ENOX2: variants seen among roughly 807,000 people sequenced by gnomAD.
ENOX2 encodes the protein APK1 antigen.
ENOX2 carries 36 observed loss-of-function variants against 45.0 expected under a neutral mutation model. The observed-to-expected ratio is 0.80, with a 90% CI of 0.61 to 1.06. ENOX2 has a LOEUF of 1.06. Among genes scored for constraint, ENOX2 ranks in the 50% least tolerant of loss-of-function variants. The probability of loss-of-function intolerance (pLI) is 0.00; values close to 1 mark genes in which losing one functional copy is unlikely to be tolerated. For synonymous variants in ENOX2, 174 were observed against 152.3 expected (o/e 1.14, Z -1.05); for missense variants, 423 against 462.5 (o/e 0.91, Z 0.78).
chrX:130,832,903 C>A (rs1292589868), intron 2 of ENOX2, among the ~76,000 whole-genome samples: 2 of 109,937 alleles, frequency 1.8e-5, no homozygotes, highest in African/African-American at 6.6e-5. Flanking sequence ...GTGAGGAAAT[C>A]TTGAATTACA....
At position 130,625,148 on chromosome X, in the gene ENOX2, C is replaced by T. The variant is rs1361239148; in HGVS notation, c.*166G>A. On this transcript the variant is annotated 3_prime_UTR_variant, in exon 15 of 15. Transcript: ENST00000394363. ...CAATTTCTCTTTAGGGCCTGTAGTT[C>T]GAGGTGCTGTCCTAGGATCCTTATT... is the stretch of plus-strand genomic sequence containing the variant. 5 of 519,097 alleles carry T rather than the reference C, an allele frequency of 9.6e-6. No homozygotes were observed. The highest frequency in any genetic ancestry group is 4.0e-5 in the East Asian group (1 of 25,161). The allele number at this position is 519,097 out of a possible 1,213,427, so 42.8% of individuals were successfully genotyped here. A position where few individuals can be genotyped will look rare whatever the true frequency, so the allele number is the denominator to read the frequency against.
intron 3 of ENOX2, chrX:130,709,225 G>A: frequency 1.7e-6 from 2 of 1,192,581 alleles, no homozygotes; most frequent in Non-Finnish European, 1.1e-6. Context: ...CTCAGCAACT[G>A]TACAAAGTGG....
At chrX:130,707,175 T>C (rs2038059183) in intron 3 of ENOX2, among the ~76,000 whole-genome samples, 1 of 111,990 alleles carries the variant, frequency 8.9e-6, no homozygotes, top group South Asian at 3.7e-4. Flanking sequence ...ATGCTACTGG[T>C]TGTCAAGTGG....
intron 2 of ENOX2, among the ~76,000 whole-genome samples, chrX:130,870,864 T>C (rs2148552740): frequency 1.1e-5 from 1 of 87,236 alleles, no homozygotes; most frequent in East Asian, 3.8e-4. Flanking sequence ...TTTGAATATT[T>C]GGGAAACAAG....
chrX:130,801,741 T>C (rs1441019688), intron 2 of ENOX2, among the ~76,000 whole-genome samples: 1 of 112,071 alleles, frequency 8.9e-6, no homozygotes, highest in Non-Finnish European at 1.9e-5. Flanking sequence ...CATTGTCAAA[T>C]GTTTTCAAGT....
At chrX:130,694,919 T>C (rs1202596091) in intron 4 of ENOX2, among the ~76,000 whole-genome samples, 1 of 111,538 alleles carries the variant, frequency 9.0e-6, no homozygotes, top group African/African-American at 3.3e-5. Context: ...ATTGGCTACT[T>C]ATGAATTTCC....
chrX:130,852,077 T>C (rs2078222483), intron 2 of ENOX2, among the ~76,000 whole-genome samples: 2 of 112,004 alleles, frequency 1.8e-5, no homozygotes, highest in South Asian at 7.4e-4. Flanking sequence ...AAATATGACT[T>C]AGATGAGAAA....
At chrX:130,725,331 G>T (rs1391748686) in intron 3 of ENOX2, among the ~76,000 whole-genome samples, 1 of 106,761 alleles carries the variant, frequency 9.4e-6, no homozygotes, top group Non-Finnish European at 1.9e-5. Flanking sequence ...GAAGTAGAAT[G>T]AGCAGCTCTC....
chrX:130,763,968 G>A (rs1010883356), intron 3 of ENOX2, among the ~76,000 whole-genome samples: 5 of 110,785 alleles, frequency 4.5e-5, no homozygotes, highest in African/African-American at 6.6e-5. Context: ...GCTAAAGAGC[G>A]TACGCTTTTG....
chrX:130,799,461 T>C (rs1321309849), intron 2 of ENOX2, among the ~76,000 whole-genome samples: 1 of 111,498 alleles, frequency 9.0e-6, no homozygotes, highest in East Asian at 2.8e-4. Context: ...TGTGAGTCCA[T>C]ACTCCTTAAT....
chrX:130,653,923 A>G (rs753776988), intron 10 of ENOX2, among the ~76,000 whole-genome samples: 2 of 111,997 alleles, frequency 1.8e-5, no homozygotes, highest in Non-Finnish European at 1.9e-5. Context: ...CCAGCATCGA[A>G]ATCATTTAGG....
At chrX:130,766,235 C>A (rs774556359) in intron 3 of ENOX2, among the ~76,000 whole-genome samples, 2 of 111,439 alleles carry the variant, frequency 1.8e-5, no homozygotes, top group South Asian at 7.4e-4. Flanking sequence ...AGCTAACTGG[C>A]CAAATGTGTG....
At chrX:130,762,648 A>G in intron 3 of ENOX2, among the ~76,000 whole-genome samples, 1 of 112,069 alleles carries the variant, frequency 8.9e-6, no homozygotes, top group East Asian at 2.8e-4. Flanking sequence ...TTAGTTTTCA[A>G]GTCTTTGGAG....
chrX:130,740,908 T>A (rs2038967289), intron 3 of ENOX2, among the ~76,000 whole-genome samples: 1 of 111,433 alleles, frequency 9.0e-6, no homozygotes. Flanking sequence ...TTGGGTTAAT[T>A]AATTAACCTC....
Position 130,683,208 on chromosome X carries a change from T to C in ENOX2, c.254-3460A>G, listed in dbSNP as rs189961464. 3.3e-3 allele frequency among the ~76,000 whole-genome samples: 371 copies of C among 112,022 alleles called. 1 individual carries two copies. The highest frequency in any genetic ancestry group is 5.3e-3 in the Non-Finnish European group (283 of 53,231). ...TTGAGAAGTGAGGCAGGAAGCAGTA[T>C]AGAGAACCGATAAGCCACTTGAATC... On this transcript the variant is annotated intron_variant, in intron 5 of 14. Transcript: ENST00000394363.
At chrX:130,769,446 TG>T (rs2039689793) in intron 3 of ENOX2, among the ~76,000 whole-genome samples, 1 of 112,094 alleles carries the variant, frequency 8.9e-6, no homozygotes, top group African/African-American at 3.2e-5. Context: ...ATGGGGCTGC[TG>T]AGGGAAAAAT....
At chrX:130,660,531 T>C (rs2036661488) in intron 9 of ENOX2, among the ~76,000 whole-genome samples, 1 of 111,500 alleles carries the variant, frequency 9.0e-6, no homozygotes, top group Non-Finnish European at 1.9e-5. Context: ...AGTTTGGACA[T>C]AGGTGCAGGC....
intron 2 of ENOX2, among the ~76,000 whole-genome samples, chrX:130,873,743 A>G (rs2078643717): frequency 9.0e-6 from 1 of 111,543 alleles, no homozygotes; most frequent in Non-Finnish European, 1.9e-5. Flanking sequence ...TGTCTTTTGC[A>G]GGGACATGGA....
intron 3 of ENOX2, among the ~76,000 whole-genome samples, chrX:130,732,297 AG>A (rs778504432): frequency 8.9e-6 from 1 of 112,187 alleles, no homozygotes; most frequent in South Asian, 3.7e-4. Flanking sequence ...CTAAATAAAG[AG>A]GTAAAAGACT....
Sources: gnomAD v4.1 joint callset for allele counts (sites outside exome capture counted in the v4.1 genomes callset) on GRCh38, gnomAD v4.1.1 for gene constraint, MANE v1.5 for transcripts, NCBI Gene and HGNC (gene_info 2026-07-23, HGNC 2026-07-21) for gene names.